Variants in SDK2 observed in about 807,000 individuals in gnomAD.
The protein encoded by SDK2 is sidekick cell adhesion molecule 2, also known as protein sidekick-2.
A neutral mutation model predicts 253.9 loss-of-function variants in SDK2; 105 were observed. That is an observed-to-expected ratio of 0.41 (90% CI 0.35 to 0.49). The LOEUF (loss-of-function observed/expected upper bound fraction) is 0.49, where lower values mean the gene tolerates loss of function less well. Among genes scored for constraint, SDK2 ranks in the 20% least tolerant of loss-of-function variants. The probability of loss-of-function intolerance (pLI) is 0.06; values close to 1 mark genes in which losing one functional copy is unlikely to be tolerated. For missense variants in SDK2, 2,608 were observed against 3,003.0 expected (o/e 0.87, Z 3.07); for synonymous variants, 1,249 against 1,234.9 (o/e 1.01, Z -0.24).
At chr17:73,591,175 C>A (rs2045676923) in intron 1 of SDK2, among the ~76,000 whole-genome samples, 1 of 152,246 alleles carries the variant, frequency 6.6e-6, no homozygotes, top group South Asian at 2.1e-4. Flanking sequence ...CTGCCTTGGC[C>A]TCCCAAAGTT....
At position 73,610,395 on chromosome 17, in the gene SDK2, G is replaced by A. The variant is rs865823904; in HGVS notation, c.64+33630C>T. Among the ~76,000 whole-genome samples the A allele has an allele frequency of 5.3e-5, 8 of 152,198 alleles. No individual in the cohort carries two copies. The South Asian group carries it at 8.3e-4, about 16-fold the overall frequency. On this transcript the variant is annotated intron_variant, in intron 1 of 44. Transcript: ENST00000392650. ...CCCATCCCAGACACTGCAGAAAGGG[G>A]GAAAAAAATCAATCAACTGACCATT...
At chr17:73,528,011 C>T (rs752022469) in intron 1 of SDK2, among the ~76,000 whole-genome samples, 3 of 151,918 alleles carry the variant, frequency 2.0e-5, no homozygotes, top group Admixed American at 6.5e-5. Flanking sequence ...GAGAGGGAAG[C>T]GTCAGCAGTG....
chr17:73,613,401 G>C (rs1311994942), intron 1 of SDK2, among the ~76,000 whole-genome samples: 3 of 149,122 alleles, frequency 2.0e-5, no homozygotes, highest in Non-Finnish European at 4.5e-5. Context: ...CCCCTGGAGA[G>C]AGATGGTTCC....
intron 39 of SDK2, among the ~76,000 whole-genome samples, chr17:73,358,411 C>T (rs1010858070): frequency 1.3e-5 from 2 of 152,196 alleles, no homozygotes; most frequent in Non-Finnish European, 1.5e-5. Flanking sequence ...TACCCCTATG[C>T]TCCATATTCC....
At position 73,379,188 on chromosome 17, in the gene SDK2, G is replaced by C; in HGVS notation, c.4969C>G (p.Gln1657Glu). Residue 1657 changes from glutamine to glutamate, a missense_variant, in exon 36 of 45, where the codon CAG (glutamine) becomes GAG (glutamate). Around this residue, in one of 2 missense-constraint regions of SDK2, gnomAD observed 1,103 missense variants for 1,143.9 expected, o/e 0.96. Coordinates refer to ENST00000392650, the MANE Select transcript of SDK2 (RefSeq NM_001144952.2). This position sits in a 1 kb window ranked among gnomAD's most constrained non-coding sequence, Gnocchi z 4.5. ...PPLDSQNGDIQGYKIYFWEAQ... is the reference protein window; with the variant it reads ...PPLDSQNGDIEGYKIYFWEAQ... Reference sequence around the variant, plus strand: ...CGAGGGCACCCTACCTTGTACCCCTGGATGTCTCCATTCTGGCTGTCCAGC... The same window carrying C: ...CGAGGGCACCCTACCTTGTACCCCTCGATGTCTCCATTCTGGCTGTCCAGC... The C allele has an allele frequency of 1.9e-6, 3 of 1,556,924 alleles. No individual in the cohort carries two copies. Among genetic ancestry groups the C allele is most frequent in the Non-Finnish European group, 2.6e-6 (3 of 1,149,634 alleles).
chr17:73,377,824 C>T (rs2062796464), intron 36 of SDK2, among the ~76,000 whole-genome samples: 1 of 151,998 alleles, frequency 6.6e-6, no homozygotes, highest in African/African-American at 2.4e-5. Flanking sequence ...GTTGGTCAGG[C>T]TGGTCTCGAA....
Position 73,383,753 on chromosome 17 carries a change from C to T in SDK2, c.4705+123G>A. 8.6e-7 allele frequency: 1 copy of T among 1,162,838 alleles called. No homozygotes were observed. The highest frequency in any genetic ancestry group is 1.2e-6 in the Non-Finnish European group (1 of 805,368). 72.0% of individuals were successfully genotyped at this position (1,162,838 alleles called of 1,614,324 possible). A position where few individuals can be genotyped will look rare whatever the true frequency, so the allele number is the denominator to read the frequency against. ...TGGGATGGGAGGAGGGAGAGGCACA[C>T]ATGGAGGAGGGAGGCAAGGTTTCAG... On this transcript the variant is annotated intron_variant, in intron 33 of 44. Transcript: ENST00000392650. This position sits in a 1 kb window ranked among gnomAD's most constrained non-coding sequence, Gnocchi z 4.3.
chr17:73,485,387 A>G (rs2063763531), intron 2 of SDK2, among the ~76,000 whole-genome samples: 1 of 152,162 alleles, frequency 6.6e-6, no homozygotes, highest in African/African-American at 2.4e-5. Flanking sequence ...AGAGACAGAG[A>G]TTCCTGAGAC....
rs2063976756 is a variant in SDK2 at position 73,511,111 on chromosome 17, T to G, written c.65-3514A>C. Among the ~76,000 whole-genome samples, 1 of 152,188 alleles carries G rather than the reference T, an allele frequency of 6.6e-6. No individual in the cohort carries two copies. The highest frequency in any genetic ancestry group is 1.5e-5 in the Non-Finnish European group (1 of 68,020). The stretch of plus-strand genomic sequence containing the variant: ...GCTCTCAGCTTAACAAATGGGCACA[T>G]TCTTACTTCAAAGGCGCATTCATAT... On this transcript the variant is annotated intron_variant, in intron 1 of 44. Coordinates refer to ENST00000392650, the MANE Select transcript of SDK2 (RefSeq NM_001144952.2). The surrounding 1 kb of genome is among the most constrained non-coding windows in gnomAD (Gnocchi z 4.9).
At chr17:73,568,514 A>G (rs2045338562) in intron 1 of SDK2, among the ~76,000 whole-genome samples, 1 of 152,212 alleles carries the variant, frequency 6.6e-6, no homozygotes, top group Non-Finnish European at 1.5e-5. Context: ...CAGCAGATTG[A>G]TGAGAACAGA....
In SDK2 at chr17:73,493,106, T is replaced by C. The variant is rs1479602770; in HGVS notation, c.224+14332A>G. Among the ~76,000 whole-genome samples the C allele has an allele frequency of 3.9e-5, 6 of 152,266 alleles. No individual in the cohort carries two copies. The East Asian group carries it at 7.7e-4, about 20-fold the overall frequency. ...TGAACCATTCCAGATAAAAAACATA[T>C]GTGCCTCCGATGGAGCCCACCCTCC... On this transcript the variant is annotated intron_variant, in intron 2 of 44. Coordinates refer to ENST00000392650, the MANE Select transcript of SDK2 (RefSeq NM_001144952.2).
rs1456127006 is a variant in SDK2 at position 73,358,186 on chromosome 17, C to T, written c.5486G>A (p.Gly1829Asp). The T allele has an allele frequency of 1.9e-6, 3 of 1,606,516 alleles. No homozygotes were observed. The highest frequency in any genetic ancestry group is 2.5e-6 in the Non-Finnish European group (3 of 1,177,924). Residue 1829 changes from glycine to aspartate, a missense_variant, in exon 40 of 45, where the codon GGC becomes GAC. Gly to Asp is a moderately conservative substitution (Grantham distance 94). Coordinates refer to ENST00000392650, the MANE Select transcript of SDK2 (RefSeq NM_001144952.2). ...GCTGTACCGCACGATGATGGGCACG[C>T]CAGGCGGTCCTGGGGCACCTGCAGA... The part of the protein sequence containing the change: ...GPGEGAPGPP[G>D]VPIIVRYSSA...
chr17:73,402,093 C>G lies in SDK2; in HGVS notation c.2533G>C (p.Ala845Pro), dbSNP rs776130067. ...ATGCTGTCTTGAAAGTTAGGCCGGG[C>G]GGTCACCATGGTAACCTCCTCTTCC... ...EQEEEVTMVT[A>P]RPNFQDSIHV... The change falls in exon 19 of 45, where the codon GCC becomes CCC. Residue 845 changes from alanine (A) to proline (P), a missense_variant. By Grantham distance (27) the Ala-to-Pro change is conservative. Around this residue, in one of 2 missense-constraint regions of SDK2, gnomAD observed 1,505 missense variants for 1,859.1 expected, o/e 0.81. Transcript: ENST00000392650. 8 of 1,613,926 alleles carry G rather than the reference C, an allele frequency of 5.0e-6. No individual in the cohort carries two copies. In the African/African-American group the frequency reaches 9.3e-5, roughly 19 times the overall value.
intron 1 of SDK2, among the ~76,000 whole-genome samples, chr17:73,588,197 A>ACCCCCCCCCCCCCCCC (rs57740393): frequency 2.3e-5 from 3 of 130,862 alleles, no homozygotes; most frequent in Non-Finnish European, 3.3e-5. Flanking sequence ...ACATGGAGAG[A>ACCCCCCCCCCCCCCCC]CCCCCCCCCC....
At chr17:73,349,278 C>T (rs933509247) in intron 43 of SDK2, among the ~76,000 whole-genome samples, 10 of 152,220 alleles carry the variant, frequency 6.6e-5, no homozygotes, top group African/African-American at 1.7e-4. Flanking sequence ...GATAAGAGCT[C>T]GGCTTTGGGA....
At chr17:73,410,202 T>C (rs2145555521) in intron 18 of SDK2, among the ~76,000 whole-genome samples, 1 of 152,338 alleles carries the variant, frequency 6.6e-6, no homozygotes, top group African/African-American at 2.4e-5. Context: ...GGTTTGAATC[T>C]GAGCTTTGCA....
intron 2 of SDK2, among the ~76,000 whole-genome samples, chr17:73,483,687 ATATATATATATATATATATAT>A (rs2063750269): frequency 1.5e-5 from 1 of 68,918 alleles, no homozygotes; most frequent in African/African-American, 5.6e-5. Context: ...ATATATTTAT[ATATATATATATATATATATAT>A]TTTTTTTTTT....
Position 73,338,932 on chromosome 17 carries a change from G to C in SDK2, c.6174C>G (p.Asp2058Glu). 1 of 1,613,928 alleles carries C rather than the reference G, an allele frequency of 6.2e-7. No homozygotes were observed. The highest frequency in any genetic ancestry group is 1.1e-5 in the South Asian group (1 of 91,082). Residue 2058 changes from aspartate (D) to glutamate (E), a missense_variant, in exon 45 of 45, where the codon GAC (aspartate) becomes GAG (glutamate). Around this residue, in one of 2 missense-constraint regions of SDK2, gnomAD observed 1,103 missense variants for 1,143.9 expected, o/e 0.96. Transcript: ENST00000392650. This position sits in a 1 kb window ranked among gnomAD's most constrained non-coding sequence, Gnocchi z 5.0. ...PSEISDSQGS[D>E]SEYEVDSNHQ... is the part of the protein sequence containing the mutation. ...GGTTTGAGTCGACCTCGTACTCGCT[G>C]TCACTTCCCTGGGAGGACAGAGAAT...
At chr17:73,500,600 T>C (rs2063882618) in intron 2 of SDK2, among the ~76,000 whole-genome samples, 1 of 138,384 alleles carries the variant, frequency 7.2e-6, no homozygotes, top group Non-Finnish European at 1.6e-5. Flanking sequence ...CTGTCCATCC[T>C]CCTTCTATCT....
Sources: allele counts gnomAD v4.1 joint callset (sites outside exome capture counted in the v4.1 genomes callset), GRCh38; gene constraint gnomAD v4.1.1; regional missense constraint gnomAD v4.1.1; non-coding constraint Gnocchi (gnomAD v3.1); transcripts MANE v1.5; gene names NCBI Gene and HGNC (gene_info 2026-07-23, HGNC 2026-07-21).